Variants in CELF2 observed in about 807,000 individuals in gnomAD.
CELF2 encodes CUG triplet repeat RNA-binding protein 2.
Under a neutral mutation model 62.6 loss-of-function variants are expected in CELF2, and 8 were observed. The ratio of observed to expected loss-of-function variants is 0.13; its 90% CI spans 0.07 to 0.23. The LOEUF is 0.23. CELF2 is among the 10% of genes least tolerant of loss of function. CELF2 has a pLI of 1.00. For missense variants in CELF2, 333 were observed against 671.0 expected (o/e 0.50, Z 5.56); for synonymous variants, 258 against 250.0 (o/e 1.03, Z -0.30).
chr10:10,765,499 G>A, the CELF2 span, among the ~76,000 whole-genome samples: 10 of 152,152 alleles, frequency 6.6e-5, no homozygotes, highest in East Asian at 9.6e-4. Context: ...GTGCCCTTGC[G>A]TTGTATTGAC....
the CELF2 span, among the ~76,000 whole-genome samples, chr10:10,748,225 G>A: frequency 6.6e-6 from 1 of 152,062 alleles, no homozygotes; most frequent in Non-Finnish European, 1.5e-5. Flanking sequence ...AAAAAAAAGA[G>A]GACTTGAAAT....
intron 7 of CELF2, among the ~76,000 whole-genome samples, chr10:11,271,586 G>A (rs867270528): frequency 6.6e-6 from 1 of 152,228 alleles, no homozygotes; most frequent in Middle Eastern, 3.4e-3. Context: ...ATTTTTACTC[G>A]AATTACTGCT....
At position 11,207,413 on chromosome 10, in the gene CELF2, C is replaced by T. The variant is rs1274951944; in HGVS notation, c.272-10012C>T. Among the ~76,000 whole-genome samples, 1 of 152,138 alleles carries T rather than the reference C, an allele frequency of 6.6e-6. No homozygotes were observed. The highest frequency in any genetic ancestry group is 1.5e-5 in the Non-Finnish European group (1 of 68,016). ...GTGGCCAGTTGACAGAAAGTTGGTCCTAGCGTGTCAAATGGAGAGTTGGAG... is the reference window on the plus strand; with the variant it reads ...GTGGCCAGTTGACAGAAAGTTGGTCTTAGCGTGTCAAATGGAGAGTTGGAG... On this transcript the variant is annotated intron_variant, in intron 2 of 12. Transcript: ENST00000633077. This position sits in a 1 kb window ranked among gnomAD's most constrained non-coding sequence, Gnocchi z 4.1.
the CELF2 span, among the ~76,000 whole-genome samples, chr10:10,500,220 T>G: frequency 1.3e-5 from 2 of 152,208 alleles, no homozygotes; most frequent in South Asian, 4.1e-4. Flanking sequence ...TAAGTTGAAC[T>G]TTTTATTTTG....
the CELF2 span, among the ~76,000 whole-genome samples, chr10:10,783,216 C>T: frequency 1.3e-5 from 2 of 152,116 alleles, no homozygotes; most frequent in Admixed American, 6.5e-5. Flanking sequence ...GTGACTGTGA[C>T]CTTACTTGAA....
the CELF2 span, among the ~76,000 whole-genome samples, chr10:10,622,246 T>A: frequency 6.6e-6 from 1 of 152,162 alleles, no homozygotes; most frequent in Non-Finnish European, 1.5e-5. Context: ...TGTTTTGGTT[T>A]TGAGATGGAC....
the CELF2 span, among the ~76,000 whole-genome samples, chr10:10,782,565 C>T: frequency 6.6e-6 from 1 of 152,190 alleles, no homozygotes; most frequent in Non-Finnish European, 1.5e-5. Context: ...TTAATCTGGG[C>T]ACCTCATAGC....
rs535673950 is a variant in CELF2, at chr10:10,828,149, A to G, written c.53+29332A>G. 2.6e-5 allele frequency among the ~76,000 whole-genome samples: 4 copies of G among 152,274 alleles called. No individual in the cohort carries two copies. In the East Asian group the frequency reaches 7.7e-4, roughly 29 times the overall value. ...AATTACCAGGTGATCCAGCAATTCT[A>G]CTTCTGGGTATGTACCCAAAGGAAT... On this transcript the variant is annotated intron_variant, in intron 1 of 13. Coordinates refer to the CELF2 transcript ENST00000636488.
chr10:10,695,258 G>A, the CELF2 span, among the ~76,000 whole-genome samples: 26 of 144,596 alleles, frequency 1.8e-4, 1 homozygote, highest in Middle Eastern at 3.5e-3. Context: ...TTTCTCCTTC[G>A]CTTATGAAGC....
intron 1 of CELF2, among the ~76,000 whole-genome samples, chr10:11,085,845 G>A (rs1193202942): frequency 6.6e-6 from 1 of 151,794 alleles, no homozygotes; most frequent in East Asian, 1.9e-4. Context: ...TCCATTTCCA[G>A]AAATACATCG....
At position 11,039,440 on chromosome 10, in the gene CELF2, T is replaced by C. The variant is rs1292593784; in HGVS notation, c.74+21277T>C. Among the ~76,000 whole-genome samples, 1 of 152,206 alleles carries C rather than the reference T, an allele frequency of 6.6e-6. No individual in the cohort carries two copies. The highest frequency in any genetic ancestry group is 2.4e-5 in the African/African-American group (1 of 41,458). On this transcript the variant is annotated intron_variant, in intron 1 of 12. Coordinates refer to ENST00000633077, the MANE Select transcript of CELF2 (RefSeq NM_001326342.2). The surrounding 1 kb of genome is among the most constrained non-coding windows in gnomAD (Gnocchi z 4.1). ...CTTCTTATGCTGGTTGTGTGAATTA[T>C]ACCATTAGGGTGGTGAGCTATGTAG...
chr10:10,583,179 C>G, the CELF2 span, among the ~76,000 whole-genome samples: 1 of 152,198 alleles, frequency 6.6e-6, no homozygotes, highest in Non-Finnish European at 1.5e-5. Context: ...CAGTTTGTCT[C>G]TAGAATCACC....
intron 1 of CELF2, among the ~76,000 whole-genome samples, chr10:11,128,551 A>G (rs1297263520): frequency 6.6e-6 from 1 of 151,968 alleles, no homozygotes; most frequent in African/African-American, 2.4e-5. Context: ...CTTTTATTTC[A>G]TTGAGTGGTT....
the CELF2 span, among the ~76,000 whole-genome samples, chr10:10,535,877 G>A: frequency 6.6e-6 from 1 of 152,116 alleles, no homozygotes; most frequent in African/African-American, 2.4e-5. Context: ...ATAATGATGA[G>A]CCATAATTTT....
chr10:11,140,541 A>G (rs768695958), intron 1 of CELF2, among the ~76,000 whole-genome samples: 11 of 152,134 alleles, frequency 7.2e-5, no homozygotes, highest in Non-Finnish European at 5.9e-5. Context: ...TTATGTAGAC[A>G]AGACTTACTG....
intron 2 of CELF2, among the ~76,000 whole-genome samples, chr10:11,193,047 T>C (rs2076611266): frequency 6.6e-6 from 1 of 152,234 alleles, no homozygotes; most frequent in South Asian, 2.1e-4. Flanking sequence ...TTCTTAACAT[T>C]GTTTCCAACA....
At chr10:11,163,011 A>G (rs796130531) in intron 1 of CELF2, among the ~76,000 whole-genome samples, 19 of 152,326 alleles carry the variant, frequency 1.2e-4, no homozygotes, top group African/African-American at 4.1e-4. Flanking sequence ...AGCATGGCTC[A>G]TGGGATGAAA....
At chr10:10,646,907 C>T in the CELF2 span, among the ~76,000 whole-genome samples, 1 of 152,304 alleles carries the variant, frequency 6.6e-6, no homozygotes, top group East Asian at 1.9e-4. Context: ...AATGATCTCT[C>T]CCTGCCCTTT....
the CELF2 span, among the ~76,000 whole-genome samples, chr10:10,549,825 G>A: frequency 6.6e-6 from 1 of 152,148 alleles, no homozygotes; most frequent in African/African-American, 2.4e-5. Context: ...TGAATTTTGA[G>A]GTGACACAAT....
Sources: allele counts gnomAD v4.1 joint callset (sites outside exome capture counted in the v4.1 genomes callset), GRCh38; gene constraint gnomAD v4.1.1; non-coding constraint Gnocchi (gnomAD v3.1); transcripts MANE v1.5; gene names NCBI Gene and HGNC (gene_info 2026-07-23, HGNC 2026-07-21).